RIMS2: variants seen among roughly 807,000 people sequenced by gnomAD.
RIMS2 encodes regulating synaptic membrane exocytosis protein 2.
A neutral mutation model predicts 174.4 loss-of-function variants in RIMS2; 59 were observed. That is an observed-to-expected ratio of 0.34 (90% CI 0.27 to 0.42). RIMS2 has a LOEUF of 0.42. Among genes scored for constraint, RIMS2 ranks in the 10% least tolerant of loss-of-function variants. The pLI is 1.00. For missense variants in RIMS2, 1,620 were observed against 1,666.3 expected (o/e 0.97, Z 0.48); for synonymous variants, 606 against 572.5 (o/e 1.06, Z -0.84).
chr8:104,157,863 T>C (rs2098734146), intron 19 of RIMS2, among the ~76,000 whole-genome samples: 1 of 152,208 alleles, frequency 6.6e-6, no homozygotes. Context: ...GATCATATGA[T>C]AATTTAATTT....
At chr8:103,712,807 A>G (rs1434223985) in intron 2 of RIMS2, among the ~76,000 whole-genome samples, 2 of 152,228 alleles carry the variant, frequency 1.3e-5, no homozygotes, top group Admixed American at 1.3e-4. Flanking sequence ...TAAATGGAAT[A>G]TCCAGTTAAC....
chr8:103,738,108 T>C (rs1242315675), intron 2 of RIMS2, among the ~76,000 whole-genome samples: 1 of 152,208 alleles, frequency 6.6e-6, no homozygotes, highest in Non-Finnish European at 1.5e-5. Context: ...TTTATTAATA[T>C]GTAAATAATT....
intron 3 of RIMS2, among the ~76,000 whole-genome samples, chr8:103,822,387 T>C (rs1421257737): frequency 6.6e-6 from 1 of 151,708 alleles, no homozygotes; most frequent in Admixed American, 6.6e-5. Flanking sequence ...TTCAACTTGT[T>C]AAAGGAGGAA....
chr8:103,755,291 G>C (rs1384109656), intron 2 of RIMS2, among the ~76,000 whole-genome samples: 1 of 152,176 alleles, frequency 6.6e-6, no homozygotes, highest in East Asian at 1.9e-4. Flanking sequence ...TTTCTGCCAA[G>C]ATATCCACTG....
At chr8:103,891,976 G>A (rs2099248886) in intron 4 of RIMS2, among the ~76,000 whole-genome samples, 1 of 151,920 alleles carries the variant, frequency 6.6e-6, no homozygotes, top group Admixed American at 6.6e-5. Context: ...GAAATTTACT[G>A]ACTTACATAA....
intron 19 of RIMS2, among the ~76,000 whole-genome samples, chr8:104,218,122 A>G (rs1255745782): frequency 1.3e-5 from 2 of 152,220 alleles, no homozygotes; most frequent in African/African-American, 2.4e-5. Context: ...GTGTATATCA[A>G]AAGAAAAGAG....
At chr8:104,042,009 G>T (rs1184826274) in intron 19 of RIMS2, among the ~76,000 whole-genome samples, 2 of 151,470 alleles carry the variant, frequency 1.3e-5, no homozygotes, top group African/African-American at 2.4e-5. Context: ...CTAGGTGCTG[G>T]AAGTAACAGG....
chr8:104,127,449 T>C (rs2098440981), intron 19 of RIMS2, among the ~76,000 whole-genome samples: 1 of 152,126 alleles, frequency 6.6e-6, no homozygotes, highest in African/African-American at 2.4e-5. Context: ...GAAGAGTGAA[T>C]GAATAGGCAA....
At chr8:103,704,663 T>G (rs1331537477) in intron 2 of RIMS2, among the ~76,000 whole-genome samples, 20 of 152,072 alleles carry the variant, frequency 1.3e-4, no homozygotes, top group Admixed American at 1.3e-3. Flanking sequence ...TATTGGTCTG[T>G]TTAGGTTTTC....
chr8:103,908,555 C>A (rs2075000433), intron 4 of RIMS2, among the ~76,000 whole-genome samples: 2 of 152,162 alleles, frequency 1.3e-5, no homozygotes, highest in Non-Finnish European at 2.9e-5. Flanking sequence ...ACAAGAAGTG[C>A]TCTTCCTCCA....
At chr8:103,692,228 A>C (rs1261431428) in intron 1 of RIMS2, among the ~76,000 whole-genome samples, 1 of 152,194 alleles carries the variant, frequency 6.6e-6, no homozygotes, top group Non-Finnish European at 1.5e-5. Flanking sequence ...GTGTTCACTC[A>C]AGGTTCAAGG....
At chr8:104,029,934 C>A (rs927745017) in intron 19 of RIMS2, among the ~76,000 whole-genome samples, 1 of 152,028 alleles carries the variant, frequency 6.6e-6, no homozygotes, top group African/African-American at 2.4e-5. Flanking sequence ...TTATTTTTCC[C>A]AACGTGGGGG....
chr8:103,769,828 A>G (rs536602154), intron 3 of RIMS2, among the ~76,000 whole-genome samples: 1 of 152,292 alleles, frequency 6.6e-6, no homozygotes, highest in South Asian at 2.1e-4. Flanking sequence ...TTCGTGCTTA[A>G]TGACTAAAAG....
intron 1 of RIMS2, among the ~76,000 whole-genome samples, chr8:103,528,528 T>A (rs1349639803): frequency 3.3e-5 from 5 of 152,242 alleles, no homozygotes; most frequent in Admixed American, 6.5e-5. Context: ...GTTTTAGGTC[T>A]AACATTTAAG....
At chr8:103,864,940 C>G (rs761023777) in intron 3 of RIMS2, among the ~76,000 whole-genome samples, 1 of 152,082 alleles carries the variant, frequency 6.6e-6, no homozygotes, top group African/African-American at 2.4e-5. Flanking sequence ...TATCTCTCAT[C>G]CAGTAAGGCA....
chr8:104,117,015 G>A (rs1350758914), intron 19 of RIMS2, among the ~76,000 whole-genome samples: 4 of 151,326 alleles, frequency 2.6e-5, no homozygotes, highest in South Asian at 2.1e-4. Context: ...CTAGTAGCTC[G>A]TAAATTTATT....
At chr8:103,744,446 CAT>C (rs2097788840) in intron 2 of RIMS2, among the ~76,000 whole-genome samples, 1 of 152,142 alleles carries the variant, frequency 6.6e-6, no homozygotes, top group Non-Finnish European at 1.5e-5. Flanking sequence ...ATATTATTTT[CAT>C]AAAATGAGCT....
chr8:103,926,457 C>G (rs2078795980), intron 10 of RIMS2, among the ~76,000 whole-genome samples: 1 of 151,282 alleles, frequency 6.6e-6, no homozygotes, highest in South Asian at 2.1e-4. Flanking sequence ...TTGAAAGAGA[C>G]AGAGACAGAG....
At chr8:104,064,604 A>G (rs2097070113) in intron 19 of RIMS2, among the ~76,000 whole-genome samples, 1 of 152,080 alleles carries the variant, frequency 6.6e-6, no homozygotes, top group Non-Finnish European at 1.5e-5. Context: ...CATTTCCACC[A>G]TAATTTAAAA....
Sources: allele counts gnomAD v4.1 joint callset (sites outside exome capture counted in the v4.1 genomes callset), GRCh38; gene constraint gnomAD v4.1.1; transcripts MANE v1.5; gene names NCBI Gene and HGNC (gene_info 2026-07-23, HGNC 2026-07-21).